The following NDRG4 variants were observed in gnomAD, a reference collection of about 807,000 sequenced individuals.
NDRG4 encodes the protein NDRG family member 4, also known as protein NDRG4.
A neutral mutation model predicts 55.8 loss-of-function variants in NDRG4; 38 were observed. The observed-to-expected ratio is 0.68, with a 90% CI of 0.53 to 0.89. NDRG4 has a LOEUF of 0.89. NDRG4 is among the 40% of genes least tolerant of loss of function. NDRG4 has a pLI of 0.00. For synonymous variants in NDRG4, 190 were observed against 182.7 expected, an observed-to-expected ratio of 1.04 and a Z score of -0.32; for missense variants, 455 against 468.6, an observed-to-expected ratio of 0.97 and a Z score of 0.27.
exon 2 of NDRG4, chr16:58,487,845 G>A (rs951124559): frequency 3.3e-6 from 5 of 1,536,934 alleles, no homozygotes; most frequent in Non-Finnish European, 1.8e-6. Context: ...GGACGCCACC[G>A]AGCTGGTGAG....
rs1165537041 is a variant in NDRG4, at chr16:58,465,235, A to C, written c.-24+1438A>C. On this transcript the variant is annotated intron_variant, in intron 1 of 15. Coordinates refer to the NDRG4 transcript ENST00000258187. ...TGTATGTCAGATGAGCACAGATTCC[A>C]GTAAGTGTCCTCCGACACCTGGGGG... 6.2e-6 allele frequency: 4 copies of C among 641,214 alleles called. No homozygotes were observed. In the Admixed American group the frequency reaches 7.0e-5, roughly 11 times the overall value. 39.7% of individuals were successfully genotyped at this position (641,214 alleles called of 1,614,324 possible).
chr16:58,493,265 T>TG (rs966800823), intron 2 of NDRG4, among the ~76,000 whole-genome samples: 1 of 152,112 alleles, frequency 6.6e-6, no homozygotes, highest in Non-Finnish European at 1.5e-5. Flanking sequence ...CGTGGTTTGT[T>TG]TTTGTTTGTT....
intron 1 of NDRG4, among the ~76,000 whole-genome samples, chr16:58,471,245 G>C (rs759249804): frequency 2.1e-5 from 3 of 146,012 alleles, no homozygotes; most frequent in Non-Finnish European, 4.4e-5. Context: ...GTCCAGGCTG[G>C]AGGGCAGTGT....
At chr16:58,478,992 T>G (rs2034080261) in intron 1 of NDRG4, among the ~76,000 whole-genome samples, 1 of 152,142 alleles carries the variant, frequency 6.6e-6, no homozygotes, top group African/African-American at 2.4e-5. Context: ...TGCCAATATA[T>G]GTACCTGTTC....
downstream of NDRG4, among the ~76,000 whole-genome samples, chr16:58,515,303 C>A (rs576399349): frequency 2.0e-5 from 3 of 152,368 alleles, no homozygotes; most frequent in South Asian, 6.2e-4. Context: ...TGGCTCAGAA[C>A]CAGGCGCCAA....
intron 1 of NDRG4, among the ~76,000 whole-genome samples, chr16:58,503,109 GAAGT>G (rs1050258002): frequency 5.3e-5 from 8 of 152,230 alleles, no homozygotes; most frequent in African/African-American, 1.7e-4. Context: ...TCTTCCTGAG[GAAGT>G]AATGACCTTG....
intron 1 of NDRG4, chr16:58,501,705 C>G: frequency 1.8e-5 from 5 of 282,816 alleles, no homozygotes; most frequent in South Asian, 1.6e-4. Flanking sequence ...CAGGCCCAGC[C>G]CCAGCCCTTC....
chr16:58,504,520 C>G, intron 4 of NDRG4, 69 bp from the exon 5 acceptor site: 1 of 1,611,572 alleles, frequency 6.2e-7, no homozygotes, highest in Non-Finnish European at 8.5e-7. Context: ...ATGGGCAGGG[C>G]CTGCTCTGGA....
upstream of NDRG4, among the ~76,000 whole-genome samples, chr16:58,495,735 G>A (rs1168110131): frequency 2.0e-5 from 3 of 152,216 alleles, no homozygotes; most frequent in Non-Finnish European, 4.4e-5. Context: ...TGAGAATCTG[G>A]GCCTGTGTGC....
At chr16:58,476,759 G>T (rs1305750713) in intron 1 of NDRG4, among the ~76,000 whole-genome samples, 2 of 152,076 alleles carry the variant, frequency 1.3e-5, no homozygotes, top group African/African-American at 4.8e-5. Flanking sequence ...AGAGACATTG[G>T]ACTCGAAATG....
chr16:58,511,142 G>T, intron 14 of NDRG4: 1 of 508,176 alleles, frequency 2.0e-6, no homozygotes, highest in Non-Finnish European at 3.5e-6. Context: ...CTTCTCCACT[G>T]GCATCCTCTT....
intron 1 of NDRG4, 83 bp downstream of exon 1, chr16:58,500,352 C>A: frequency 6.7e-7 from 1 of 1,495,068 alleles, no homozygotes. Context: ...AAGTGCCCCC[C>A]TCAACCCACA....
chr16:58,493,625 TACAAAGGGCAGAA>T (rs2036040964), intron 2 of NDRG4, among the ~76,000 whole-genome samples: 1 of 152,170 alleles, frequency 6.6e-6, no homozygotes, highest in South Asian at 2.1e-4. Context: ...AGTGCTGGGA[TACAAAGGGCAGAA>T]CGATGGGCAA....
chr16:58,503,829 T>C lies in NDRG4; in HGVS notation c.53T>C (p.Leu18Pro). The C allele has an allele frequency of 6.2e-7, 1 of 1,613,904 alleles. No homozygotes were observed. Among genetic ancestry groups the C allele is most frequent in the Non-Finnish European group, 8.5e-7 (1 of 1,179,966 alleles). The change falls in exon 2 of 15, where the codon CTG becomes CCG. Residue 18 changes from leucine (L) to proline (P), a missense_variant. Physicochemically the swap from Leu to Pro is moderately conservative, Grantham distance 98. Coordinates refer to ENST00000570248, the MANE Select transcript of NDRG4 (RefSeq NM_001242835.2). Reference protein sequence around the residue: ...EHDIETPYGLLHVVIRGSPKG... With the variant: ...EHDIETPYGLPHVVIRGSPKG... ...GACATCGAGACACCCTACGGCCTTCTGCATGTAGTGATCCGGGGCTCCCCC... is the reference window on the plus strand; with the variant it reads ...GACATCGAGACACCCTACGGCCTTCCGCATGTAGTGATCCGGGGCTCCCCC...
In NDRG4 at chr16:58,504,314, C is replaced by T. The variant is rs2037559205; in HGVS notation, c.248+40C>T. The T allele has an allele frequency of 5.0e-6, 8 of 1,613,996 alleles. No homozygotes were observed. The South Asian group carries it at 8.8e-5, about 18-fold the overall frequency. On this transcript the variant is annotated intron_variant, in intron 3 of 14. Coordinates refer to ENST00000570248, the MANE Select transcript of NDRG4 (RefSeq NM_001242835.2). ...CCCCCTCTGCCTGTCTCCAGCTCTG[C>T]ACCTGAGGCCACACCTGGGCCCTGA...
At position 58,504,380 on chromosome 16, in the gene NDRG4, G is replaced by A; in HGVS notation, c.270G>A (p.Glu90=). ...GCAGGTACCAGTTCCCCTCCATGGA[G>A]CAGCTGGCTGCCATGCTCCCCAGCG... ...FPQGYQFPSM[E]QLAAMLPSVV... is the part of the protein sequence containing the mutation. The change falls in exon 4 of 15, where the codon GAG becomes GAA. Residue 90 remains glutamate (E), a synonymous_variant. Coordinates refer to ENST00000570248, the MANE Select transcript of NDRG4 (RefSeq NM_001242835.2). The A allele has an allele frequency of 6.2e-7, 1 of 1,613,194 alleles. No homozygotes were observed. The highest frequency in any genetic ancestry group is 8.5e-7 in the Non-Finnish European group (1 of 1,180,022).
chr16:58,473,240 G>T (rs2033121536), intron 1 of NDRG4, among the ~76,000 whole-genome samples: 1 of 151,896 alleles, frequency 6.6e-6, no homozygotes. Flanking sequence ...GCTCACTGCA[G>T]CCTTGACCTC....
At position 58,464,840 on chromosome 16, in the gene NDRG4, C is replaced by T. The variant is rs1261525788; in HGVS notation, c.-24+1043C>T. ...CTGGCAGGACCCGCGCCATGGACCT[C>T]TTATTTCTGCGCCCTGTGACAATCT... On this transcript the variant is annotated intron_variant, in intron 1 of 15. Transcript: ENST00000258187. This position sits in a 1 kb window ranked among gnomAD's most constrained non-coding sequence, Gnocchi z 4.8. 4.9e-6 allele frequency: 6 copies of T among 1,233,084 alleles called. No individual in the cohort carries two copies. The East Asian group carries it at 2.4e-4, about 48-fold the overall frequency. 76.4% of individuals were successfully genotyped at this position (1,233,084 alleles called of 1,614,324 possible). A position where few individuals can be genotyped will look rare whatever the true frequency, so the allele number is the denominator to read the frequency against.
rs2038421876 is a variant in NDRG4, at chr16:58,509,067, G to A, written c.777+58G>A. The A allele has an allele frequency of 2.5e-6, 4 of 1,613,796 alleles. No homozygotes were observed. The South Asian group carries it at 4.4e-5, about 18-fold the overall frequency. ...TCCCTAGCATGGGCCCAACCTCAGG[G>A]AGGTGTTTTCCTGGGGTCCCAGCCA... On this transcript the variant is annotated intron_variant, in intron 11 of 14. Coordinates refer to ENST00000570248, the MANE Select transcript of NDRG4 (RefSeq NM_001242835.2).
Sources: allele counts gnomAD v4.1 joint callset (sites outside exome capture counted in the v4.1 genomes callset), GRCh38; gene constraint gnomAD v4.1.1; non-coding constraint Gnocchi (gnomAD v3.1); transcripts MANE v1.5; gene names NCBI Gene and HGNC (gene_info 2026-07-23, HGNC 2026-07-21).